Variants in PTPRN2 observed in about 807,000 individuals in gnomAD.
The protein encoded by PTPRN2 is protein tyrosine phosphatase receptor type N2.
PTPRN2 carries 74 observed loss-of-function variants against 118.8 expected under a neutral mutation model. That is an observed-to-expected ratio of 0.62 (90% CI 0.52 to 0.76). The LOEUF is 0.76. Among genes scored for constraint, PTPRN2 ranks in the 30% least tolerant of loss-of-function variants. The pLI is 0.00. For missense variants in PTPRN2, 1,481 were observed against 1,394.4 expected, an observed-to-expected ratio of 1.06 and a Z score of -0.99; for synonymous variants, 641 against 608.0, an observed-to-expected ratio of 1.05 and a Z score of -0.80.
chr7:157,928,884 G>A (rs1799188834), intron 11 of PTPRN2, among the ~76,000 whole-genome samples: 1 of 150,972 alleles, frequency 6.6e-6, no homozygotes, highest in African/African-American at 2.4e-5. Context: ...GGGGGCAGGA[G>A]GGAGGGCAGC....
At chr7:158,421,880 G>T (rs147388837) in intron 2 of PTPRN2, among the ~76,000 whole-genome samples, 55 of 152,230 alleles carry the variant, frequency 3.6e-4, no homozygotes, top group Non-Finnish European at 6.8e-4. Flanking sequence ...TTAGCCCTAA[G>T]GTTTGGGGTT....
At chr7:158,513,105 G>C (rs1244527120) in intron 1 of PTPRN2, among the ~76,000 whole-genome samples, 1 of 152,110 alleles carries the variant, frequency 6.6e-6, no homozygotes, top group African/African-American at 2.4e-5. Context: ...GGGTGAGGGG[G>C]AGAAGCCGCA....
intron 2 of PTPRN2, among the ~76,000 whole-genome samples, chr7:158,317,365 A>G (rs1163729637): frequency 6.6e-6 from 1 of 152,274 alleles, no homozygotes; most frequent in Non-Finnish European, 1.5e-5. Context: ...AGCTACAAGG[A>G]TCGGCGGAGA....
intron 2 of PTPRN2, among the ~76,000 whole-genome samples, chr7:158,381,434 A>G (rs1016439872): frequency 2.6e-5 from 4 of 152,200 alleles, no homozygotes; most frequent in Admixed American, 6.5e-5. Flanking sequence ...ACATAACAAG[A>G]GTCACTTTTG....
chr7:158,264,022 T>C (rs982728933), intron 3 of PTPRN2, among the ~76,000 whole-genome samples: 3 of 152,218 alleles, frequency 2.0e-5, no homozygotes, highest in African/African-American at 7.2e-5. Context: ...CCTGCCACTC[T>C]CACGCTTCCC....
At chr7:157,810,570 TG>T (rs1317156139) in intron 12 of PTPRN2, among the ~76,000 whole-genome samples, 4 of 58,822 alleles carry the variant, frequency 6.8e-5, no homozygotes, top group African/African-American at 2.2e-4. Flanking sequence ...TGCTGGGGGC[TG>T]GGCTCTCCAT....
At chr7:158,560,540 C>T (rs541185967) in intron 1 of PTPRN2, among the ~76,000 whole-genome samples, 7 of 152,366 alleles carry the variant, frequency 4.6e-5, no homozygotes, top group South Asian at 2.1e-4. Context: ...GAGAACACAA[C>T]GTGTAAGAAC....
intron 12 of PTPRN2, among the ~76,000 whole-genome samples, chr7:157,852,878 A>T (rs899680954): frequency 4.6e-5 from 7 of 151,836 alleles, no homozygotes; most frequent in African/African-American, 1.7e-4. Context: ...AAAAAAAAAA[A>T]AAAAATACTA....
In PTPRN2 at chr7:158,351,085, G is replaced by A. The variant is rs142609211; in HGVS notation, c.164-34153C>T. Reference sequence around the variant, plus strand: ...ATTACGAAATGAAAAGCTGCTTTGGGGAATGCTGTGTTGATGTGTCAGCAT... The same window carrying A: ...ATTACGAAATGAAAAGCTGCTTTGGAGAATGCTGTGTTGATGTGTCAGCAT... On this transcript the variant is annotated intron_variant, in intron 2 of 22. Coordinates refer to ENST00000389418, the MANE Select transcript of PTPRN2 (RefSeq NM_002847.5). Among the ~76,000 whole-genome samples the A allele has an allele frequency of 5.5e-3, 841 of 152,274 alleles. 6 individuals are homozygous for A. Among genetic ancestry groups the A allele is most frequent in the Non-Finnish European group, 8.0e-3 (544 of 68,024 alleles).
chr7:158,340,496 C>T (rs201662817), intron 2 of PTPRN2, among the ~76,000 whole-genome samples: 1 of 64,940 alleles, frequency 1.5e-5, no homozygotes, highest in Non-Finnish European at 3.4e-5. Context: ...TAGGTGACAC[C>T]TGCAGACGTC....
chr7:158,171,280 C>CAT lies in PTPRN2; in HGVS notation c.550-3991_550-3990dup, dbSNP rs372340836. Reference sequence around the variant, plus strand: ...ATATATATACACACATATATACACACATATATATACACACATATATATACA... The same window carrying CAT: ...ATATATATACACACATATATACACACATATATATATACACACATATATATACA... On this transcript the variant is annotated intron_variant, in intron 5 of 22. Coordinates refer to ENST00000389418, the MANE Select transcript of PTPRN2 (RefSeq NM_002847.5). 8.6e-3 allele frequency among the ~76,000 whole-genome samples: 810 copies of CAT among 94,590 alleles called. 63 individuals are homozygous for CAT. The highest frequency in any genetic ancestry group is 0.036 in the African/African-American group (749 of 20,624). The allele number at this position is 94,590 out of a possible 152,430, so 62.1% of individuals were successfully genotyped here.
intron 2 of PTPRN2, among the ~76,000 whole-genome samples, chr7:158,424,988 G>A (rs1314284494): frequency 6.6e-6 from 1 of 152,232 alleles, no homozygotes; most frequent in Non-Finnish European, 1.5e-5. Context: ...TTTCGGAGAA[G>A]GCATTCTGTA....
chr7:158,428,283 G>A (rs1342467137), intron 2 of PTPRN2, among the ~76,000 whole-genome samples: 1 of 152,118 alleles, frequency 6.6e-6, no homozygotes, highest in Non-Finnish European at 1.5e-5. Flanking sequence ...CAGCGGCGTC[G>A]GACGTGACTC....
chr7:158,212,997 A>G (rs142924003), intron 3 of PTPRN2, among the ~76,000 whole-genome samples: 92 of 152,364 alleles, frequency 6.0e-4, no homozygotes, highest in Non-Finnish European at 1.1e-3. Flanking sequence ...CATGATAATT[A>G]TGCTCAAAAT....
intron 2 of PTPRN2, among the ~76,000 whole-genome samples, chr7:158,324,701 C>G (rs1488867033): frequency 2.1e-5 from 1 of 48,400 alleles, no homozygotes; most frequent in Non-Finnish European, 4.5e-5. Flanking sequence ...GGGTGGGGCT[C>G]TGCTGCCCAG....
intron 2 of PTPRN2, among the ~76,000 whole-genome samples, chr7:158,368,691 C>A (rs1047524766): frequency 3.3e-5 from 5 of 152,212 alleles, no homozygotes; most frequent in Admixed American, 6.5e-5. Context: ...GGAAGGACAG[C>A]ACTCAGCCCC....
chr7:157,946,127 A>G (rs1800469964), intron 11 of PTPRN2, among the ~76,000 whole-genome samples: 1 of 152,188 alleles, frequency 6.6e-6, no homozygotes, highest in East Asian at 1.9e-4. Context: ...TTGAGGTGGC[A>G]GAAACAGCTG....
intron 2 of PTPRN2, among the ~76,000 whole-genome samples, chr7:158,370,845 C>T (rs577083289): frequency 1.8e-4 from 28 of 152,224 alleles, no homozygotes; most frequent in African/African-American, 6.0e-4. Flanking sequence ...TACAAAAAAA[C>T]TTCCACTTCC....
intron 2 of PTPRN2, among the ~76,000 whole-genome samples, chr7:158,345,946 G>A (rs1199123502): frequency 5.3e-5 from 8 of 152,118 alleles, no homozygotes; most frequent in South Asian, 2.1e-4. Context: ...CGAGAACAGC[G>A]TGGTGGAAAC....
Sources: allele counts gnomAD v4.1 joint callset (sites outside exome capture counted in the v4.1 genomes callset), GRCh38; gene constraint gnomAD v4.1.1; transcripts MANE v1.5; gene names NCBI Gene and HGNC (gene_info 2026-07-23, HGNC 2026-07-21).